CELF2: variants seen among roughly 807,000 people sequenced by gnomAD.
The protein encoded by CELF2 is CUGBP Elav-like family member 2.
Under a neutral mutation model 62.6 loss-of-function variants are expected in CELF2, and 8 were observed. The ratio of observed to expected loss-of-function variants is 0.13; its 90% CI spans 0.07 to 0.23. CELF2 has a LOEUF of 0.23. Among genes scored for constraint, CELF2 ranks in the 10% least tolerant of loss-of-function variants. The pLI is 1.00. For synonymous variants in CELF2, 258 were observed against 250.0 expected (o/e 1.03, Z -0.30); for missense variants, 333 against 671.0 (o/e 0.50, Z 5.56).
At chr10:10,666,791 G>C in the CELF2 span, among the ~76,000 whole-genome samples, 3 of 123,010 alleles carry the variant, frequency 2.4e-5, 1 homozygote, top group Non-Finnish European at 5.0e-5. Context: ...GAACCCGGGA[G>C]GCGGAGCTTG....
the CELF2 span, among the ~76,000 whole-genome samples, chr10:10,734,994 A>G: frequency 6.6e-6 from 1 of 152,224 alleles, no homozygotes; most frequent in Admixed American, 6.5e-5. Context: ...ATCAAACTCT[A>G]GTTCCAAACC....
the CELF2 span, among the ~76,000 whole-genome samples, chr10:10,725,924 T>G: frequency 6.6e-6 from 1 of 152,156 alleles, no homozygotes; most frequent in South Asian, 2.1e-4. Flanking sequence ...TCCAAAACAT[T>G]TAACAGAATT....
chr10:10,682,765 C>T, the CELF2 span, among the ~76,000 whole-genome samples: 4 of 152,130 alleles, frequency 2.6e-5, no homozygotes, highest in African/African-American at 9.7e-5. Context: ...TTTGATTGCA[C>T]ATTTCTGTAT....
At chr10:10,988,358 T>C (rs111958720) in intron 2 of CELF2, among the ~76,000 whole-genome samples, 2 of 151,982 alleles carry the variant, frequency 1.3e-5, no homozygotes, top group African/African-American at 4.8e-5. Flanking sequence ...AATAATGTCT[T>C]TTACAGCAAC....
chr10:10,828,494 G>A lies in CELF2; in HGVS notation c.53+29677G>A, dbSNP rs184939612. Among the ~76,000 whole-genome samples the A allele has an allele frequency of 3.0e-3, 464 of 152,266 alleles. 3 individuals carry two copies. Among genetic ancestry groups the A allele is most frequent in the African/African-American group, 0.011 (444 of 41,546 alleles). ...CATAAAGACAGAAAGTCGAGTGGTGGCGGTCAGGCACTGTGTGTGGGGAGA... is the reference window on the plus strand; with the variant it reads ...CATAAAGACAGAAAGTCGAGTGGTGACGGTCAGGCACTGTGTGTGGGGAGA... On this transcript the variant is annotated intron_variant, in intron 1 of 13. Coordinates refer to the CELF2 transcript ENST00000636488.
chr10:10,462,855 AG>A, the CELF2 span, among the ~76,000 whole-genome samples: 1 of 152,046 alleles, frequency 6.6e-6, no homozygotes, highest in Non-Finnish European at 1.5e-5. Context: ...AACAGGGCTA[AG>A]ATTGTCGCAC....
chr10:10,562,781 GAGCCTACCTCCCTGCCCTCCAC>G, the CELF2 span, among the ~76,000 whole-genome samples: 6,577 of 136,962 alleles, frequency 0.048, 329 homozygotes, highest in African/African-American at 0.15. Context: ...GTCAGATACG[GAGCCTACCTCCCTGCCCTCCAC>G]AGCCTACCTC....
chr10:10,632,576 AT>A, the CELF2 span, among the ~76,000 whole-genome samples: 1 of 152,088 alleles, frequency 6.6e-6, no homozygotes, highest in African/African-American at 2.4e-5. Flanking sequence ...TCAAGGTCCA[AT>A]TTTTTTGTTA....
intron 5 of CELF2, among the ~76,000 whole-genome samples, chr10:11,259,447 G>A (rs533218755): frequency 7.4e-6 from 1 of 135,580 alleles, no homozygotes; most frequent in Non-Finnish European, 1.6e-5. Context: ...AAAAAAAAAA[G>A]GCGGCATGGA....
intron 5 of CELF2, among the ~76,000 whole-genome samples, chr10:11,262,939 A>ATTTTTTTTTTTTT (rs1491054484): frequency 1.9e-4 from 2 of 10,440 alleles, no homozygotes; most frequent in South Asian, 3.7e-3. Context: ...AAGTGGCTTT[A>ATTTTTTTTTTTTT]CTTTTTTTTT....
chr10:10,698,773 C>T, the CELF2 span, among the ~76,000 whole-genome samples: 2 of 152,114 alleles, frequency 1.3e-5, no homozygotes, highest in African/African-American at 4.8e-5. Context: ...AATTAAAGAC[C>T]CATCCTTACA....
intron 1 of CELF2, among the ~76,000 whole-genome samples, chr10:10,820,495 A>G (rs144084197): frequency 6.6e-6 from 1 of 152,184 alleles, no homozygotes; most frequent in African/African-American, 2.4e-5. Flanking sequence ...CAGGAGGAGA[A>G]TTCATTGGTG....
At chr10:11,262,758 A>G (rs1468767041) in intron 5 of CELF2, among the ~76,000 whole-genome samples, 3 of 152,200 alleles carry the variant, frequency 2.0e-5, no homozygotes, top group Non-Finnish European at 2.9e-5. Flanking sequence ...TGACTGCATT[A>G]AGATATTTCT....
chr10:10,467,346 T>C, the CELF2 span, among the ~76,000 whole-genome samples: 3 of 152,014 alleles, frequency 2.0e-5, no homozygotes, highest in African/African-American at 7.2e-5. Flanking sequence ...AAGACTATTC[T>C]TTACCCCCAC....
the CELF2 span, among the ~76,000 whole-genome samples, chr10:10,551,593 T>C: frequency 2.0e-5 from 3 of 152,252 alleles, no homozygotes; most frequent in African/African-American, 7.2e-5. Flanking sequence ...TACTAATACT[T>C]AGGAGCTGGG....
chr10:10,496,938 C>A, the CELF2 span, among the ~76,000 whole-genome samples: 1 of 151,956 alleles, frequency 6.6e-6, no homozygotes, highest in Non-Finnish European at 1.5e-5. Context: ...GCCTGTAATC[C>A]CAGCACTTTG....
At chr10:11,028,701 G>T (rs182490751) in intron 1 of CELF2, among the ~76,000 whole-genome samples, 278 of 145,200 alleles carry the variant, frequency 1.9e-3, no homozygotes, top group African/African-American at 6.7e-3. Context: ...TTACAGGTGT[G>T]AGCCACCGCA....
chr10:10,941,888 G>A (rs1360365761), intron 2 of CELF2, among the ~76,000 whole-genome samples: 2 of 151,916 alleles, frequency 1.3e-5, no homozygotes, highest in Non-Finnish European at 2.9e-5. Context: ...CAGCCACTGG[G>A]GAGGCTGGGG....
chr10:11,208,400 G>A (rs1474545220), intron 2 of CELF2, among the ~76,000 whole-genome samples: 1 of 152,206 alleles, frequency 6.6e-6, no homozygotes, highest in South Asian at 2.1e-4. Context: ...CCAACAAAGT[G>A]TGCCTAGGCT....
Sources: allele counts gnomAD v4.1 joint callset (sites outside exome capture counted in the v4.1 genomes callset), GRCh38; gene constraint gnomAD v4.1.1; transcripts MANE v1.5; gene names NCBI Gene and HGNC (gene_info 2026-07-23, HGNC 2026-07-21).